Variants in FNTA observed in about 807,000 individuals in gnomAD.
FNTA encodes protein farnesyltransferase/geranylgeranyltransferase type-1 subunit alpha.
Under a neutral mutation model 55.2 loss-of-function variants are expected in FNTA, and 27 were observed. The observed-to-expected ratio is 0.49, with a 90% CI of 0.36 to 0.67. FNTA has a LOEUF of 0.67. FNTA is among the 30% of genes least tolerant of loss of function. The pLI, the probability that FNTA is intolerant of heterozygous loss-of-function variation, is 0.00. For synonymous variants in FNTA, 176 were observed against 170.7 expected (o/e 1.03, Z -0.24); for missense variants, 422 against 464.7 (o/e 0.91, Z 0.85).
chr8:43,063,220 G>A, intron 2 of FNTA: 1 of 454,088 alleles, frequency 2.2e-6, no homozygotes, highest in Non-Finnish European at 4.4e-6. Flanking sequence ...AGCTGTGACT[G>A]CAGGCCTGGA....
At chr8:43,074,887 C>T (rs1270743487) in intron 5 of FNTA, among the ~76,000 whole-genome samples, 1 of 152,146 alleles carries the variant, frequency 6.6e-6, no homozygotes, top group Non-Finnish European at 1.5e-5. Context: ...TCTACCCCCA[C>T]TCCTCCACCT....
chr8:43,068,600 A>G (rs1240584840), intron 3 of FNTA, among the ~76,000 whole-genome samples: 5 of 152,020 alleles, frequency 3.3e-5, no homozygotes, highest in Middle Eastern at 3.7e-3. Flanking sequence ...TGATTTTCAT[A>G]TTATAGAACA....
rs768580794 is a variant in FNTA at position 43,056,521 on chromosome 8, G to C, written c.175G>C (p.Asp59His). The change falls in exon 1 of 9, where the codon GAC becomes CAC. Residue 59 changes from aspartate to histidine, a missense_variant. By Grantham distance (81) the Asp-to-His change is moderately conservative. Coordinates refer to ENST00000302279, the MANE Select transcript of FNTA (RefSeq NM_002027.3). Reference sequence around the variant, plus strand: ...CATGGACGACGGGTTTGTGAGCCTGGACTCGCCCTCCTATGTCCTGTACAG... The same window carrying C: ...CATGGACGACGGGTTTGTGAGCCTGCACTCGCCCTCCTATGTCCTGTACAG... ...SPMDDGFVSLDSPSYVLYRDR... is the reference protein window; with the variant it reads ...SPMDDGFVSLHSPSYVLYRDR... 2.2e-5 allele frequency: 35 copies of C among 1,560,376 alleles called. No individual in the cohort carries two copies. Among genetic ancestry groups the C allele is most frequent in the Non-Finnish European group, 3.0e-5 (35 of 1,156,948 alleles).
In FNTA at chr8:43,077,347, A is replaced by G. The variant is rs200228527; in HGVS notation, c.765A>G (p.Val255=). The change falls in exon 6 of 9, where the codon GTA becomes GTG. Residue 255 remains valine, a synonymous_variant. Transcript: ENST00000302279. ...SNTTGYNDRA[V]LEREVQYTLE... ...CCACTGGCTACAATGATCGTGCTGTATTGGAGAGAGAAGTCCAGTTAGTAA... is the reference window on the plus strand; with the variant it reads ...CCACTGGCTACAATGATCGTGCTGTGTTGGAGAGAGAAGTCCAGTTAGTAA... 2.2e-5 allele frequency: 35 copies of G among 1,610,528 alleles called. No homozygotes were observed. In the South Asian group the frequency reaches 2.3e-4, roughly 11 times the overall value.
chr8:43,067,006 T>C (rs1810676087), intron 3 of FNTA, among the ~76,000 whole-genome samples: 1 of 152,202 alleles, frequency 6.6e-6, no homozygotes, highest in African/African-American at 2.4e-5. Flanking sequence ...GCAGATCTTA[T>C]CCTGTTGTAA....
intron 1 of FNTA, among the ~76,000 whole-genome samples, chr8:43,057,690 G>T (rs1278438583): frequency 6.6e-6 from 1 of 152,208 alleles, no homozygotes; most frequent in East Asian, 1.9e-4. Flanking sequence ...CGGCGCGGTG[G>T]CTCACGCCTG....
intron 3 of FNTA, among the ~76,000 whole-genome samples, chr8:43,065,740 T>G (rs1478456013): frequency 6.6e-6 from 1 of 151,468 alleles, no homozygotes; most frequent in East Asian, 1.9e-4. Flanking sequence ...TTTCAGCTCA[T>G]TCATGTGTTA....
At chr8:43,071,417 T>TC (rs1350533286) in intron 4 of FNTA, among the ~76,000 whole-genome samples, 4 of 152,112 alleles carry the variant, frequency 2.6e-5, no homozygotes, top group Admixed American at 2.6e-4. Context: ...ACGTCTGTAA[T>TC]CCCAGCACTT....
At chr8:43,060,136 G>A (rs1013470256) in intron 2 of FNTA, among the ~76,000 whole-genome samples, 1 of 152,160 alleles carries the variant, frequency 6.6e-6, no homozygotes, top group Non-Finnish European at 1.5e-5. Flanking sequence ...ATCGATTAAG[G>A]AGAAGGTCAG....
chr8:43,084,653 A>T lies in FNTA; in HGVS notation c.846-57A>T. 5 of 1,358,336 alleles carry T rather than the reference A, an allele frequency of 3.7e-6. No individual in the cohort carries two copies. The South Asian group carries it at 6.8e-5, about 19-fold the overall frequency. 84.1% of individuals were successfully genotyped at this position (1,358,336 alleles called of 1,614,324 possible). A position where few individuals can be genotyped will look rare whatever the true frequency, so the allele number is the denominator to read the frequency against. Reference sequence around the variant, plus strand: ...GGGTTTATTTTCTCTTGATCTTTCTACTGCTTTTGTTCTTCCTTCACAAAA... The same window carrying T: ...GGGTTTATTTTCTCTTGATCTTTCTTCTGCTTTTGTTCTTCCTTCACAAAA... On this transcript the variant is annotated intron_variant, in intron 7 of 8. Coordinates refer to ENST00000302279, the MANE Select transcript of FNTA (RefSeq NM_002027.3).
Position 43,059,073 on chromosome 8 carries a change from G to A in FNTA, c.201-19G>A. On this transcript the variant is annotated intron_variant, in intron 1 of 8. Transcript: ENST00000302279. ...CTGTATTTGAATGTAACCACTGGTT[G>A]GGGAATGTCTGTTTTCAGGGACAGA... The A allele has an allele frequency of 6.3e-7, 1 of 1,592,782 alleles. No homozygotes were observed. Among genetic ancestry groups the A allele is most frequent in the Admixed American group, 1.7e-5 (1 of 59,062 alleles).
At chr8:43,061,913 T>C (rs1405986587) in intron 2 of FNTA, among the ~76,000 whole-genome samples, 3 of 152,082 alleles carry the variant, frequency 2.0e-5, no homozygotes, top group Admixed American at 6.6e-5. Context: ...GAGACGGGGT[T>C]TCTCCATGTT....
intron 1 of FNTA, among the ~76,000 whole-genome samples, chr8:43,057,508 AC>A (rs1181835695): frequency 5.9e-5 from 9 of 151,978 alleles, no homozygotes; most frequent in African/African-American, 9.7e-5. Context: ...ATACAGCCTT[AC>A]CTTTCCCAGG....
chr8:43,063,922 G>A (rs1271573131), intron 2 of FNTA, among the ~76,000 whole-genome samples, 179 bp from the exon 3 acceptor site: 1 of 152,212 alleles, frequency 6.6e-6, no homozygotes, highest in African/African-American at 2.4e-5. Flanking sequence ...CATGCTTTTT[G>A]TGGCTGAGGC....
At chr8:43,074,769 A>G (rs1296774248) in intron 5 of FNTA, among the ~76,000 whole-genome samples, 1 of 152,192 alleles carries the variant, frequency 6.6e-6, no homozygotes, top group Non-Finnish European at 1.5e-5. Context: ...AAGGGGGTAC[A>G]GCTATAAAGG....
At chr8:43,076,455 A>G (rs1469729302) in intron 5 of FNTA, among the ~76,000 whole-genome samples, 2 of 152,320 alleles carry the variant, frequency 1.3e-5, no homozygotes, top group East Asian at 3.9e-4. Flanking sequence ...GGGATTGCCC[A>G]TGAGAGCCAC....
At chr8:43,070,976 C>G (rs889707618) in intron 4 of FNTA, among the ~76,000 whole-genome samples, 2 of 152,154 alleles carry the variant, frequency 1.3e-5, no homozygotes, top group South Asian at 2.1e-4. Context: ...TGGAAGATTT[C>G]TAAAATAAAT....
chr8:43,064,844 A>AT lies in FNTA; in HGVS notation c.401+641dup, dbSNP rs1218557745. ...TATTTTATTTTATATTTTTACTTTT[A>AT]TTTTTTTTTTTTGAGATGGAGTCTT... On this transcript the variant is annotated intron_variant, in intron 3 of 8. Transcript: ENST00000302279. Among the ~76,000 whole-genome samples the AT allele has an allele frequency of 3.3e-3, 466 of 140,988 alleles. 1 individual carries two copies. Among genetic ancestry groups the AT allele is most frequent in the African/African-American group, 9.4e-3 (364 of 38,554 alleles). The allele number at this position is 140,988 out of a possible 152,430, so 92.5% of individuals were successfully genotyped here.
At chr8:43,078,600 A>C (rs980664391) in intron 6 of FNTA, 2 of 152,142 alleles carry the variant, frequency 1.3e-5, no homozygotes, top group African/African-American at 4.8e-5. Flanking sequence ...AGAGAATATC[A>C]CTGTTGCATG....
Sources: allele counts gnomAD v4.1 joint callset (sites outside exome capture counted in the v4.1 genomes callset), GRCh38; gene constraint gnomAD v4.1.1; transcripts MANE v1.5; gene names NCBI Gene and HGNC (gene_info 2026-07-23, HGNC 2026-07-21).